The following SOX5 variants were observed in gnomAD, a reference collection of about 807,000 sequenced individuals.
SOX5 encodes transcription factor SOX-5.
A neutral mutation model predicts 92.0 loss-of-function variants in SOX5; 9 were observed. The ratio of observed to expected loss-of-function variants is 0.10; its 90% CI spans 0.06 to 0.17. The LOEUF (loss-of-function observed/expected upper bound fraction) is 0.17. SOX5 is among the 10% of genes least tolerant of loss of function. SOX5 has a pLI of 1.00. For missense variants in SOX5, 642 were observed against 944.5 expected (o/e 0.68, Z 4.20); for synonymous variants, 344 against 336.3 (o/e 1.02, Z -0.25).
At chr12:24,220,844 C>T (rs1026708818) in intron 3 of SOX5, among the ~76,000 whole-genome samples, 2 of 152,186 alleles carry the variant, frequency 1.3e-5, no homozygotes, top group African/African-American at 4.8e-5. Flanking sequence ...AGAAAACTAT[C>T]ATTATCTTTG....
chr12:24,109,407 T>C (rs1460871553), intron 4 of SOX5, among the ~76,000 whole-genome samples: 1 of 150,684 alleles, frequency 6.6e-6, no homozygotes, highest in Non-Finnish European at 1.5e-5. Context: ...TATTTATCTT[T>C]ATCTAAGTTT....
chr12:23,792,389 C>T (rs1395711746), intron 3 of SOX5, among the ~76,000 whole-genome samples: 1 of 151,638 alleles, frequency 6.6e-6, no homozygotes, highest in African/African-American at 2.4e-5. Context: ...CTTTGGGAGA[C>T]CGAGGTGGGT....
intron 4 of SOX5, among the ~76,000 whole-genome samples, chr12:24,026,589 G>GA (rs1259828923): frequency 8.5e-5 from 8 of 94,252 alleles, no homozygotes; most frequent in Admixed American, 1.3e-4. Flanking sequence ...GTCTCTATGG[G>GA]AAAAAAAAGC....
intron 4 of SOX5, among the ~76,000 whole-genome samples, chr12:24,196,277 C>T (rs1957004599): frequency 6.6e-6 from 1 of 152,138 alleles, no homozygotes; most frequent in African/African-American, 2.4e-5. Flanking sequence ...AGTTGAAGAT[C>T]GGTTTGTAAT....
At chr12:23,889,755 C>A (rs1210111882) in intron 2 of SOX5, among the ~76,000 whole-genome samples, 1 of 151,992 alleles carries the variant, frequency 6.6e-6, no homozygotes, top group Admixed American at 6.6e-5. Context: ...AACTGACTCA[C>A]GGTGAATGTT....
intron 6 of SOX5, among the ~76,000 whole-genome samples, chr12:23,734,131 T>C (rs1567317483): frequency 2.0e-5 from 3 of 152,180 alleles, no homozygotes; most frequent in African/African-American, 4.8e-5. Flanking sequence ...CCTCCTGTAT[T>C]GATGCTCCTT....
chr12:23,543,648 G>A (rs1368481508), intron 12 of SOX5, among the ~76,000 whole-genome samples: 7 of 152,088 alleles, frequency 4.6e-5, no homozygotes, highest in African/African-American at 1.7e-4. Flanking sequence ...ACTTTCAACA[G>A]CTCAAAATAA....
intron 6 of SOX5, among the ~76,000 whole-genome samples, chr12:23,697,826 C>T (rs2090094481): frequency 6.6e-6 from 1 of 152,156 alleles, no homozygotes; most frequent in African/African-American, 2.4e-5. Context: ...GCTGGGATTA[C>T]AGGGGTGAGT....
At chr12:23,674,047 A>T (rs1046823587) in intron 6 of SOX5, among the ~76,000 whole-genome samples, 3 of 152,162 alleles carry the variant, frequency 2.0e-5, no homozygotes, top group Non-Finnish European at 4.4e-5. Flanking sequence ...AATGTTTTGC[A>T]TTTTTATAAA....
rs563806059 is a variant in SOX5 at position 24,497,752 on chromosome 12, A to G, written c.-251+64577T>C. ...CTCTTATAAAGATACATGCATGCAT[A>G]AGTTCATTACAGCACTATTCACAAC... is the stretch of plus-strand genomic sequence containing the variant. On this transcript the variant is annotated intron_variant, in intron 1 of 4. Coordinates refer to the SOX5 transcript ENST00000446891. Among the ~76,000 whole-genome samples, 5 of 152,308 alleles carry G rather than the reference A, an allele frequency of 3.3e-5. No individual in the cohort carries two copies. In the South Asian group the frequency reaches 1.0e-3, roughly 32 times the overall value.
intron 10 of SOX5, among the ~76,000 whole-genome samples, chr12:23,565,698 T>C (rs1309732057): frequency 6.6e-6 from 1 of 152,226 alleles, no homozygotes; most frequent in Non-Finnish European, 1.5e-5. Context: ...TAGAAATAAC[T>C]GTTCACTTTA....
At chr12:24,554,186 T>A (rs1051815784) in intron 1 of SOX5, among the ~76,000 whole-genome samples, 1 of 152,192 alleles carries the variant, frequency 6.6e-6, no homozygotes, top group South Asian at 2.1e-4. Flanking sequence ...CAGCTCTTAG[T>A]AGTCCTGAAT....
chr12:24,467,554 C>T (rs1293740584), intron 1 of SOX5, among the ~76,000 whole-genome samples: 2 of 152,134 alleles, frequency 1.3e-5, no homozygotes, highest in Non-Finnish European at 1.5e-5. Flanking sequence ...GCAGGAACCA[C>T]AAATAATGCA....
chr12:24,194,818 T>G (rs750159742), intron 4 of SOX5, among the ~76,000 whole-genome samples: 2 of 152,074 alleles, frequency 1.3e-5, no homozygotes, highest in African/African-American at 2.4e-5. Context: ...TTAAAAAAAA[T>G]TCTCCCTTTG....
At chr12:24,409,945 G>T (rs1284939512) in intron 1 of SOX5, among the ~76,000 whole-genome samples, 1 of 149,830 alleles carries the variant, frequency 6.7e-6, no homozygotes. Context: ...TCTGTAGCTT[G>T]GTTTTTCGTC....
At chr12:23,728,150 A>T (rs2093238017) in intron 6 of SOX5, among the ~76,000 whole-genome samples, 1 of 152,222 alleles carries the variant, frequency 6.6e-6, no homozygotes, top group South Asian at 2.1e-4. Flanking sequence ...TTATGCATCC[A>T]GAAAATACAA....
intron 4 of SOX5, among the ~76,000 whole-genome samples, chr12:24,094,771 T>C (rs1945118621): frequency 6.6e-6 from 1 of 152,110 alleles, no homozygotes; most frequent in African/African-American, 2.4e-5. Flanking sequence ...TTGCCACACA[T>C]CTTGCATTCA....
At chr12:23,988,246 C>A (rs1950233500) in intron 4 of SOX5, among the ~76,000 whole-genome samples, 1 of 152,096 alleles carries the variant, frequency 6.6e-6, no homozygotes, top group South Asian at 2.1e-4. Flanking sequence ...ACTTAAGATG[C>A]ATATCAGACA....
At chr12:24,076,896 T>C (rs766241119) in intron 4 of SOX5, among the ~76,000 whole-genome samples, 9 of 152,138 alleles carry the variant, frequency 5.9e-5, no homozygotes, top group Non-Finnish European at 1.2e-4. Flanking sequence ...ACTTTTCAAA[T>C]GTGAAGCTCT....
Sources: allele counts gnomAD v4.1 joint callset (sites outside exome capture counted in the v4.1 genomes callset), GRCh38; gene constraint gnomAD v4.1.1; transcripts MANE v1.5; gene names NCBI Gene and HGNC (gene_info 2026-07-23, HGNC 2026-07-21).